DPP10: variants seen among roughly 807,000 people sequenced by gnomAD.
DPP10 encodes inactive dipeptidyl peptidase 10.
In DPP10, 33 loss-of-function variants were observed where a neutral mutation model predicts 120.9. That is an observed-to-expected ratio of 0.27 (90% CI 0.21 to 0.37). The LOEUF is 0.37. Among genes scored for constraint, DPP10 ranks in the 10% least tolerant of loss-of-function variants. The pLI, the probability that DPP10 is intolerant of heterozygous loss-of-function variation, is 1.00. For missense variants in DPP10, 816 were observed against 942.8 expected, an observed-to-expected ratio of 0.87 and a Z score of 1.76; for synonymous variants, 337 against 326.1, an observed-to-expected ratio of 1.03 and a Z score of -0.36.
chr2:114,640,851 G>A (rs775063272), intron 1 of DPP10, among the ~76,000 whole-genome samples: 5 of 151,966 alleles, frequency 3.3e-5, no homozygotes, highest in Middle Eastern at 3.4e-3. Flanking sequence ...AAGTCAACCC[G>A]GTCTTGGAAT....
intron 1 of DPP10, among the ~76,000 whole-genome samples, chr2:115,178,527 A>C (rs10496484): frequency 0.46 from 70,002 of 152,026 alleles, 16,146 homozygotes; most frequent in Non-Finnish European, 0.49. Context: ...TTACTGGTCA[A>C]CCACAATCAG....
chr2:114,863,060 G>T (rs1034309009), intron 1 of DPP10, among the ~76,000 whole-genome samples: 7 of 152,130 alleles, frequency 4.6e-5, no homozygotes, highest in African/African-American at 1.4e-4. Context: ...GTGTGTGTGT[G>T]CATGCACACG....
intron 1 of DPP10, among the ~76,000 whole-genome samples, chr2:115,051,375 TAA>T (rs35972290): frequency 6.7e-6 from 1 of 150,008 alleles, no homozygotes; most frequent in East Asian, 1.9e-4. Flanking sequence ...TTTAAGGTAC[TAA>T]AAAAAAAAAC....
In DPP10 at chr2:114,790,604, A is replaced by G. The variant is rs185898627; in HGVS notation, c.60+347766A>G. Among the ~76,000 whole-genome samples, 29 of 151,914 alleles carry G rather than the reference A, an allele frequency of 1.9e-4. No individual in the cohort carries two copies. In the East Asian group the frequency reaches 5.6e-3, roughly 29 times the overall value. ...AGGGAGATAAAGGTGGGGCCGTTTT[A>G]TAGGATTTGGGTAGGTAAAGGAAAA... is the stretch of plus-strand genomic sequence containing the variant. On this transcript the variant is annotated intron_variant, in intron 1 of 25. Coordinates refer to ENST00000410059, the MANE Select transcript of DPP10 (RefSeq NM_020868.6).
At chr2:115,498,333 A>C (rs913977397) in intron 3 of DPP10, among the ~76,000 whole-genome samples, 1 of 152,130 alleles carries the variant, frequency 6.6e-6, no homozygotes, top group African/African-American at 2.4e-5. Flanking sequence ...ACTATTAATA[A>C]TATTTAAATA....
At chr2:114,473,484 T>C (rs72949881) in intron 1 of DPP10, among the ~76,000 whole-genome samples, 6,011 of 152,322 alleles carry the variant, frequency 0.039, 402 homozygotes, top group African/African-American at 0.14. Context: ...AAAGATTTAA[T>C]TTTTTGAAGA....
chr2:115,037,578 A>T (rs1704315349), intron 1 of DPP10, among the ~76,000 whole-genome samples: 1 of 152,222 alleles, frequency 6.6e-6, no homozygotes, highest in African/African-American at 2.4e-5. Flanking sequence ...TAGAGCAACT[A>T]CATGAGACGT....
chr2:115,118,582 T>G (rs552887037), intron 1 of DPP10, among the ~76,000 whole-genome samples: 6 of 152,264 alleles, frequency 3.9e-5, no homozygotes, highest in African/African-American at 1.2e-4. Context: ...TTTTGTTTTT[T>G]GTTTCTTGTT....
chr2:115,338,330 G>T (rs2106225507), intron 2 of DPP10, among the ~76,000 whole-genome samples: 1 of 152,084 alleles, frequency 6.6e-6, no homozygotes, highest in African/African-American at 2.4e-5. Context: ...ATATCAATGT[G>T]TTAAAGGAGA....
intron 3 of DPP10, among the ~76,000 whole-genome samples, chr2:115,360,581 G>A (rs1369247686): frequency 1.3e-5 from 2 of 151,874 alleles, no homozygotes; most frequent in Non-Finnish European, 2.9e-5. Flanking sequence ...GGTTGGAGGA[G>A]TTGGGGGGAA....
intron 3 of DPP10, among the ~76,000 whole-genome samples, chr2:115,356,583 A>G (rs762718587): frequency 3.9e-5 from 6 of 152,080 alleles, no homozygotes; most frequent in East Asian, 3.9e-4. Context: ...AGTACTTCCA[A>G]TACTATCTTG....
At chr2:115,200,549 A>G (rs576235740) in intron 1 of DPP10, among the ~76,000 whole-genome samples, 1 of 152,354 alleles carries the variant, frequency 6.6e-6, no homozygotes, top group African/African-American at 2.4e-5. Context: ...ATGCGGAAGA[A>G]TAAGACTTTA....
At chr2:115,507,821 A>G (rs946011061) in intron 4 of DPP10, among the ~76,000 whole-genome samples, 1 of 152,156 alleles carries the variant, frequency 6.6e-6, no homozygotes, top group Non-Finnish European at 1.5e-5. Context: ...CTGAGAGACC[A>G]TTCTGAAGGC....
intron 5 of DPP10, among the ~76,000 whole-genome samples, chr2:115,583,713 G>T (rs1404413321): frequency 6.6e-6 from 1 of 152,152 alleles, no homozygotes; most frequent in East Asian, 1.9e-4. Flanking sequence ...AGATTCAGAG[G>T]AAAGAAGGAA....
intron 9 of DPP10, among the ~76,000 whole-genome samples, chr2:115,743,311 G>T (rs761313054): frequency 7.2e-5 from 11 of 152,114 alleles, no homozygotes; most frequent in Non-Finnish European, 1.5e-4. Flanking sequence ...CTAACGCTTA[G>T]TTGAGATGTT....
At chr2:115,209,956 A>G (rs942315329) in intron 1 of DPP10, among the ~76,000 whole-genome samples, 1 of 152,118 alleles carries the variant, frequency 6.6e-6, no homozygotes, top group Non-Finnish European at 1.5e-5. Context: ...GAGGTGGAGG[A>G]TTGTTTGAGG....
At chr2:115,347,652 G>A (rs982894644) in intron 3 of DPP10, among the ~76,000 whole-genome samples, 11 of 151,850 alleles carry the variant, frequency 7.2e-5, no homozygotes, top group African/African-American at 2.4e-4. Flanking sequence ...CCCCTGACAG[G>A]CCCTGGTGTG....
rs1211436219 is a variant in DPP10 at position 115,222,106 on chromosome 2, G to A, written c.61-87133G>A. On this transcript the variant is annotated intron_variant, in intron 1 of 25. Transcript: ENST00000410059. Reference sequence around the variant, plus strand: ...GGGGAGAGCAGGTTTAGCAACACAGGCATGCTGATTATGAAGCGTGGTACC... The same window carrying A: ...GGGGAGAGCAGGTTTAGCAACACAGACATGCTGATTATGAAGCGTGGTACC... Among the ~76,000 whole-genome samples, 4 of 152,154 alleles carry A rather than the reference G, an allele frequency of 2.6e-5. No individual in the cohort carries two copies. In the South Asian group the frequency reaches 6.2e-4, roughly 24 times the overall value.
intron 3 of DPP10, among the ~76,000 whole-genome samples, chr2:115,352,614 C>A (rs1559471022): frequency 6.6e-6 from 1 of 152,006 alleles, no homozygotes; most frequent in South Asian, 2.1e-4. Context: ...TTTCTAGATA[C>A]AAAGATATAA....
Sources: allele counts gnomAD v4.1 joint callset (sites outside exome capture counted in the v4.1 genomes callset), GRCh38; gene constraint gnomAD v4.1.1; transcripts MANE v1.5; gene names NCBI Gene and HGNC (gene_info 2026-07-23, HGNC 2026-07-21).